FSTL4: variants seen among roughly 807,000 people sequenced by gnomAD.
FSTL4 encodes the protein follistatin-related protein 4.
FSTL4 carries 28 observed loss-of-function variants against 78.2 expected under a neutral mutation model. That is an observed-to-expected ratio of 0.36 (90% CI 0.27 to 0.49). The LOEUF (loss-of-function observed/expected upper bound fraction) is 0.49. FSTL4 is among the 20% of genes least tolerant of loss of function. FSTL4 has a pLI of 0.98. For synonymous variants in FSTL4, 422 were observed against 440.5 expected, an observed-to-expected ratio of 0.96 and a Z score of 0.53; for missense variants, 922 against 1,084.9, an observed-to-expected ratio of 0.85 and a Z score of 2.11.
At chr5:133,734,140 G>A in the FSTL4 span, among the ~76,000 whole-genome samples, 1 of 152,166 alleles carries the variant, frequency 6.6e-6, no homozygotes, top group African/African-American at 2.4e-5. Flanking sequence ...TCAAGGGGAG[G>A]GGAAGGAGTC....
At chr5:133,232,042 T>C (rs1561632863) in intron 8 of FSTL4, among the ~76,000 whole-genome samples, 2 of 152,262 alleles carry the variant, frequency 1.3e-5, no homozygotes, top group African/African-American at 4.8e-5. Flanking sequence ...AATGAATCGC[T>C]ACTTGTCTGA....
chr5:133,784,919 C>G, the FSTL4 span, among the ~76,000 whole-genome samples: 1 of 152,152 alleles, frequency 6.6e-6, no homozygotes, highest in Non-Finnish European at 1.5e-5. Context: ...TGCTTAACAT[C>G]AGTAGGTTCA....
intron 4 of FSTL4, among the ~76,000 whole-genome samples, chr5:133,391,183 G>A (rs1755839482): frequency 6.6e-6 from 1 of 152,188 alleles, no homozygotes; most frequent in African/African-American, 2.4e-5. Context: ...TAGACAAACT[G>A]CTTGAGCACA....
At chr5:133,786,056 G>A in the FSTL4 span, among the ~76,000 whole-genome samples, 3 of 152,192 alleles carry the variant, frequency 2.0e-5, no homozygotes, top group African/African-American at 7.2e-5. Flanking sequence ...TGGGTCAAAA[G>A]AGAAAAAACT....
chr5:133,634,468 C>T, the FSTL4 span, among the ~76,000 whole-genome samples: 1 of 151,684 alleles, frequency 6.6e-6, no homozygotes, highest in Non-Finnish European at 1.5e-5. Context: ...ACATATGAGG[C>T]AAAGAGAAAA....
intron 3 of FSTL4, among the ~76,000 whole-genome samples, chr5:133,448,930 G>A (rs1193394880): frequency 6.6e-6 from 1 of 152,160 alleles, no homozygotes; most frequent in Non-Finnish European, 1.5e-5. Flanking sequence ...TCACCCAGAT[G>A]TTTAATGGCG....
the FSTL4 span, among the ~76,000 whole-genome samples, chr5:133,700,753 T>G: frequency 6.6e-6 from 1 of 152,208 alleles, no homozygotes; most frequent in African/African-American, 2.4e-5. Context: ...TCTCATCCAC[T>G]CAGGGGGTAA....
chr5:133,634,806 C>T, the FSTL4 span, among the ~76,000 whole-genome samples: 2 of 152,218 alleles, frequency 1.3e-5, no homozygotes, highest in African/African-American at 4.8e-5. Flanking sequence ...ATGCCTGTTC[C>T]CCCACCGTTC....
At chr5:133,635,266 T>G in the FSTL4 span, among the ~76,000 whole-genome samples, 1 of 152,310 alleles carries the variant, frequency 6.6e-6, no homozygotes, top group South Asian at 2.1e-4. Flanking sequence ...AGGGAGTGAA[T>G]GATTAAAACT....
intron 4 of FSTL4, among the ~76,000 whole-genome samples, chr5:133,392,229 C>T (rs1386832637): frequency 2.6e-5 from 4 of 151,988 alleles, no homozygotes; most frequent in Admixed American, 6.5e-5. Flanking sequence ...TAGACTGAAA[C>T]GTGAGGAGAG....
At chr5:133,579,747 GA>G (rs1164530186) in intron 2 of FSTL4, among the ~76,000 whole-genome samples, 2 of 152,186 alleles carry the variant, frequency 1.3e-5, no homozygotes, top group Non-Finnish European at 2.9e-5. Flanking sequence ...CCTGTGCCTA[GA>G]AAATTAAAAG....
At chr5:133,717,014 C>G in the FSTL4 span, among the ~76,000 whole-genome samples, 2 of 152,186 alleles carry the variant, frequency 1.3e-5, no homozygotes, top group African/African-American at 4.8e-5. Flanking sequence ...TGTCCTGAGC[C>G]AGAATGACCC....
At chr5:133,790,148 A>C in the FSTL4 span, among the ~76,000 whole-genome samples, 1 of 152,130 alleles carries the variant, frequency 6.6e-6, no homozygotes, top group South Asian at 2.1e-4. Flanking sequence ...TCTGCTCAAA[A>C]ACTTCAATGA....
At chr5:133,543,777 A>G (rs1256567963) in intron 3 of FSTL4, among the ~76,000 whole-genome samples, 1 of 151,900 alleles carries the variant, frequency 6.6e-6, no homozygotes, top group African/African-American at 2.4e-5. Flanking sequence ...ATTTATTGTA[A>G]TTACTAATAT....
chr5:133,465,860 G>A (rs757903032), intron 3 of FSTL4, among the ~76,000 whole-genome samples: 4 of 152,238 alleles, frequency 2.6e-5, no homozygotes, highest in Non-Finnish European at 5.9e-5. Flanking sequence ...CAGGGATACT[G>A]GATTTCCAAG....
intron 3 of FSTL4, among the ~76,000 whole-genome samples, chr5:133,499,067 T>C (rs1235165912): frequency 1.3e-5 from 2 of 150,844 alleles, no homozygotes; most frequent in Non-Finnish European, 3.0e-5. Context: ...ACAACGGATA[T>C]AGCATGAGCA....
chr5:133,787,062 GC>G, the FSTL4 span, among the ~76,000 whole-genome samples: 3 of 152,148 alleles, frequency 2.0e-5, no homozygotes, highest in Non-Finnish European at 4.4e-5. Flanking sequence ...AGGTGAGTCT[GC>G]CTTCTCAAAC....
chr5:133,641,643 C>T, the FSTL4 span, among the ~76,000 whole-genome samples: 27 of 152,192 alleles, frequency 1.8e-4, no homozygotes, highest in Non-Finnish European at 2.6e-4. Context: ...AAAATGTTCA[C>T]TATAGTATGG....
At chr5:133,488,511 C>A (rs1758184620) in intron 3 of FSTL4, among the ~76,000 whole-genome samples, 1 of 152,190 alleles carries the variant, frequency 6.6e-6, no homozygotes. Context: ...ACCGCGGCCT[C>A]CCAAAGTGCT....
Sources: allele counts gnomAD v4.1 joint callset (sites outside exome capture counted in the v4.1 genomes callset), GRCh38; gene constraint gnomAD v4.1.1; transcripts MANE v1.5; gene names NCBI Gene and HGNC (gene_info 2026-07-23, HGNC 2026-07-21).